Variants in JMJD1C observed in about 807,000 individuals in gnomAD.
JMJD1C encodes the protein jumonji domain containing 1C.
JMJD1C carries 31 observed loss-of-function variants against 245.3 expected under a neutral mutation model. The observed-to-expected ratio is 0.13, with a 90% confidence interval of 0.09 to 0.17. The LOEUF is 0.17. JMJD1C is among the 10% of genes least tolerant of loss of function. The pLI, the probability that JMJD1C is intolerant of heterozygous loss-of-function variation, is 1.00. For missense variants in JMJD1C, 2,691 were observed against 3,000.2 expected, an observed-to-expected ratio of 0.90 and a Z score of 2.41; for synonymous variants, 1,057 against 1,017.4, an observed-to-expected ratio of 1.04 and a Z score of -0.74.
At chr10:63,469,077 A>G (rs965047009), upstream of JMJD1C, among the ~76,000 whole-genome samples, 1 of 152,248 alleles carries the variant, frequency 6.6e-6, no homozygotes. Flanking sequence ...AGTCTGAATA[A>G]GCAAAAGCCT....
chr10:63,239,470 C>T (rs1040024990), intron 3 of JMJD1C, among the ~76,000 whole-genome samples: 7 of 151,702 alleles, frequency 4.6e-5, no homozygotes, highest in African/African-American at 1.7e-4. Context: ...TTGAGACTTG[C>T]GTCTCGCTCT....
chr10:63,208,614 T>C lies in JMJD1C; in HGVS notation c.3055A>G (p.Lys1019Glu), dbSNP rs942560435. 1 of 1,614,056 alleles carries C rather than the reference T, an allele frequency of 6.2e-7. No individual in the cohort carries two copies. Among genetic ancestry groups the C allele is most frequent in the Non-Finnish European group, 8.5e-7 (1 of 1,179,934 alleles). ...QETGERLNKY[K>E]EEHRRILQES... ...TGAAGAATTCGACGGTGTTCCTCTTTGTATTTGTTTAACCTCTCTCCAGTC... is the reference window on the plus strand; with the variant it reads ...TGAAGAATTCGACGGTGTTCCTCTTCGTATTTGTTTAACCTCTCTCCAGTC... The change falls in exon 10 of 26, where the codon AAA becomes GAA. Residue 1019 changes from lysine (K) to glutamate (E), a missense_variant. By Grantham distance (56) the Lys-to-Glu change is moderately conservative (BLOSUM62 1). This residue lies in a region of JMJD1C where 1,562 missense variants were observed against 1,490.7 expected (regional missense o/e 1.05). Coordinates refer to ENST00000399262, the MANE Select transcript of JMJD1C (RefSeq NM_032776.3).
chr10:63,447,905 C>T (rs1481342367), intron 1 of JMJD1C, among the ~76,000 whole-genome samples: 1 of 151,858 alleles, frequency 6.6e-6, no homozygotes, highest in Non-Finnish European at 1.5e-5. Flanking sequence ...CGCCACTGCA[C>T]TCCAGCCTGG....
rs1250537353 is a variant in JMJD1C at position 63,215,350 on chromosome 10, G to A, written c.928C>T (p.Arg310Cys). The A allele has an allele frequency of 8.1e-6, 13 of 1,613,728 alleles. No individual in the cohort carries two copies. The highest frequency in any genetic ancestry group is 1.6e-4 in the Middle Eastern group (1 of 6,084). Residue 310 changes from arginine (R) to cysteine (C), a missense_variant, in exon 7 of 26, where the codon CGT becomes TGT. This residue lies in a region of JMJD1C where 1,562 missense variants were observed against 1,490.7 expected (regional missense o/e 1.05). Transcript: ENST00000399262. ...THQQQQQRSI[R>C]PNKRKGSDSS... ...TCTGAGCCCTTCCTCTTATTTGGAC[G>A]GATACTTCTTTGTTGCTGTTGCTGG...
At chr10:63,499,278 T>G (rs1398762513) in intron 1 of JMJD1C, among the ~76,000 whole-genome samples, 2 of 152,236 alleles carry the variant, frequency 1.3e-5, no homozygotes, top group African/African-American at 4.8e-5. Context: ...TTTTTAATTC[T>G]CTGAGGAACC....
chr10:63,298,750 T>C (rs1029218912), intron 2 of JMJD1C, among the ~76,000 whole-genome samples: 5 of 152,202 alleles, frequency 3.3e-5, no homozygotes, highest in Non-Finnish European at 1.5e-5. Context: ...TCTTTTTTTT[T>C]AGACGGAGTT....
intron 2 of JMJD1C, chr10:63,269,287 C>CCCGT (rs1176063666): frequency 3.7e-6 from 3 of 817,120 alleles, no homozygotes; most frequent in Non-Finnish European, 4.4e-6. Context: ...TAACTAATCC[C>CCCGT]CCGTCACAGG....
At chr10:63,380,279 A>G (rs780986008) in intron 2 of JMJD1C, 39 bp downstream of exon 2, 44 of 1,605,404 alleles carry the variant, frequency 2.7e-5, no homozygotes, top group Non-Finnish European at 3.8e-5. Context: ...TTTTAAACGA[A>G]CAAATGAAAA....
rs111794413 is a variant in JMJD1C, at chr10:63,500,457, G to A, written n.113+21281C>T. Reference sequence around the variant, plus strand: ...AAAAAAAAAAAAAGAACTGTGGCAGGGCATGGTGGCTCACGCCTGTAATCC... The same window carrying A: ...AAAAAAAAAAAAAGAACTGTGGCAGAGCATGGTGGCTCACGCCTGTAATCC... On this transcript the variant is annotated intron_variant and non_coding_transcript_variant, in intron 1 of 3. Transcript: ENST00000633035. Among the ~76,000 whole-genome samples, 581 of 151,980 alleles carry A rather than the reference G, an allele frequency of 3.8e-3. 5 individuals are homozygous for A. The highest frequency in any genetic ancestry group is 0.013 in the African/African-American group (545 of 41,450).
chr10:63,442,571 AAACG>A (rs1370759540), intron 1 of JMJD1C, among the ~76,000 whole-genome samples: 1 of 152,222 alleles, frequency 6.6e-6, no homozygotes, highest in Non-Finnish European at 1.5e-5. Flanking sequence ...ACCAACCAGA[AAACG>A]AAGAGAAAGT....
chr10:63,411,085 T>G (rs538173162), intron 1 of JMJD1C, among the ~76,000 whole-genome samples: 1 of 152,274 alleles, frequency 6.6e-6, no homozygotes, highest in African/African-American at 2.4e-5. Context: ...GAATCTAATA[T>G]ATTAAGTTTC....
chr10:63,366,615 T>C (rs114258236), intron 2 of JMJD1C, among the ~76,000 whole-genome samples: 61 of 152,344 alleles, frequency 4.0e-4, no homozygotes, highest in African/African-American at 1.4e-3. Context: ...GACAAACCTT[T>C]GTTTCCTGGA....
intron 1 of JMJD1C, among the ~76,000 whole-genome samples, chr10:63,497,337 A>G (rs1307751950): frequency 6.6e-6 from 1 of 152,250 alleles, no homozygotes; most frequent in Non-Finnish European, 1.5e-5. Flanking sequence ...TTATTCAGTA[A>G]TAAAATGAAG....
intron 2 of JMJD1C, among the ~76,000 whole-genome samples, chr10:63,281,479 TTTTTTTTTTG>T: frequency 7.9e-6 from 1 of 127,342 alleles, no homozygotes; most frequent in African/African-American, 3.0e-5. Context: ...TTTTTTTTTT[TTTTTTTTTTG>T]AGACGGAGTC....
rs1240870116 is a variant in JMJD1C at position 63,250,163 on chromosome 10, C to T, written c.447+14488G>A. Among the ~76,000 whole-genome samples, 6 of 152,006 alleles carry T rather than the reference C, an allele frequency of 3.9e-5. No individual in the cohort carries two copies. In the South Asian group the frequency reaches 1.0e-3, roughly 26 times the overall value. On this transcript the variant is annotated intron_variant, in intron 3 of 25. Coordinates refer to ENST00000399262, the MANE Select transcript of JMJD1C (RefSeq NM_032776.3). ...AGGTAGCTGAGACTACAGCCACACACCAAAATTAGCCATGCCTGGCTGATT... is the reference window on the plus strand; with the variant it reads ...AGGTAGCTGAGACTACAGCCACACATCAAAATTAGCCATGCCTGGCTGATT...
At chr10:63,219,774 G>C (rs1848397340) in intron 4 of JMJD1C, 104 bp downstream of exon 4, 2 of 664,482 alleles carry the variant, frequency 3.0e-6, no homozygotes, top group Non-Finnish European at 5.4e-6. Context: ...CAAAATATTG[G>C]ACTGGGCCTT....
In JMJD1C at chr10:63,208,780, A is replaced by G. The variant is rs932844457; in HGVS notation, c.2889T>C (p.Phe963=). 2 of 1,582,474 alleles carry G rather than the reference A, an allele frequency of 1.3e-6. No homozygotes were observed. The highest frequency in any genetic ancestry group is 1.7e-6 in the Non-Finnish European group (2 of 1,169,922). The change falls in exon 10 of 26, where the codon TTT becomes TTC. Residue 963 remains phenylalanine (F), a synonymous_variant. Coordinates refer to ENST00000399262, the MANE Select transcript of JMJD1C (RefSeq NM_032776.3). ...HHKEELERKA[F]MEPLRSVAST... ...ATGCAACAGACCGTAATGGTTCCAT[A>G]AAAGCTTTTCTTTCTAATTCTCTGT...
At chr10:63,349,325 G>C (rs1944138643) in intron 2 of JMJD1C, among the ~76,000 whole-genome samples, 1 of 152,060 alleles carries the variant, frequency 6.6e-6, no homozygotes, top group South Asian at 2.1e-4. Context: ...AGTGGACTAA[G>C]ACAGTGTTTT....
At chr10:63,432,570 GAAC>G (rs1246651573) in intron 1 of JMJD1C, among the ~76,000 whole-genome samples, 3 of 152,182 alleles carry the variant, frequency 2.0e-5, no homozygotes, top group Non-Finnish European at 4.4e-5. Context: ...AAGACCAAGA[GAAC>G]AACAGCCCAG....
Sources: allele counts gnomAD v4.1 joint callset (sites outside exome capture counted in the v4.1 genomes callset), GRCh38; gene constraint gnomAD v4.1.1; regional missense constraint gnomAD v4.1.1; transcripts MANE v1.5; gene names NCBI Gene and HGNC (gene_info 2026-07-23, HGNC 2026-07-21).